Variants in TMPRSS9 observed in about 807,000 individuals in gnomAD.
TMPRSS9 encodes transmembrane serine protease 9, also known as transmembrane protease serine 9.
TMPRSS9 carries 113 observed loss-of-function variants against 111.4 expected under a neutral mutation model. That is an observed-to-expected ratio of 1.01 (90% CI 0.87 to 1.19). The LOEUF (loss-of-function observed/expected upper bound fraction) is 1.19, where lower values mean the gene tolerates loss of function less well. TMPRSS9 is among the 50% of genes most tolerant of loss of function. TMPRSS9 has a pLI of 0.00. For missense variants in TMPRSS9, 1,803 were observed against 1,513.1 expected (o/e 1.19, Z -3.18); for synonymous variants, 805 against 659.1 (o/e 1.22, Z -3.39).
intron 1 of TMPRSS9, among the ~76,000 whole-genome samples, chr19:2,365,624 A>AC (rs938503619): frequency 1.3e-4 from 20 of 151,966 alleles, no homozygotes; most frequent in African/African-American, 4.6e-4. Context: ...AAACAAACAA[A>AC]AAAAACAAAA....
intron 11 of TMPRSS9, 103 bp from the exon 13 acceptor site, chr19:2,416,435 C>A (rs1429786835): frequency 8.4e-6 from 12 of 1,436,484 alleles, no homozygotes; most frequent in African/African-American, 2.8e-5. Flanking sequence ...GGGGCCCAGG[C>A]AGCCCTGTGT....
At chr19:2,411,888 T>A (rs1452982420) in intron 9 of TMPRSS9, among the ~76,000 whole-genome samples, 1 of 152,188 alleles carries the variant, frequency 6.6e-6, no homozygotes, top group Non-Finnish European at 1.5e-5. Context: ...TGTCTCATTC[T>A]TTCTTCTTTC....
intron 1 of TMPRSS9, among the ~76,000 whole-genome samples, chr19:2,369,224 C>T (rs368997810): frequency 2.0e-5 from 3 of 152,052 alleles, no homozygotes; most frequent in African/African-American, 4.8e-5. Context: ...GGATTACAGG[C>T]GTGAGCCACT....
intron 9 of TMPRSS9, among the ~76,000 whole-genome samples, chr19:2,411,375 C>T (rs967485489): frequency 7.0e-6 from 1 of 143,480 alleles, no homozygotes; most frequent in African/African-American, 2.6e-5. Flanking sequence ...TGCTGTATAC[C>T]TGGAACCTTC....
rs148194010 is a variant in TMPRSS9 at position 2,382,732 on chromosome 19, C to A, written c.-25-7029C>A. Among the ~76,000 whole-genome samples the A allele has an allele frequency of 1.4e-4, 21 of 151,892 alleles. No individual in the cohort carries two copies. The East Asian group carries it at 2.9e-3, about 21-fold the overall frequency. ...AAGCACACATGCACACAGATACATA[C>A]GCACAAACGCACACATCCACACATA... On this transcript the variant is annotated intron_variant, in intron 1 of 17. Transcript: ENST00000649857.
rs372931282 is a variant in TMPRSS9 at position 2,409,526 on chromosome 19, A to T, written c.1118-732A>T. Among the ~76,000 whole-genome samples the T allele has an allele frequency of 1.2e-3, 189 of 151,962 alleles. 1 individual carries two copies. The highest frequency in any genetic ancestry group is 4.1e-3 in the African/African-American group (170 of 41,462). On this transcript the variant is annotated intron_variant, in intron 8 of 17. Coordinates refer to ENST00000648592, the Ensembl canonical transcript of TMPRSS9. ...CTACTATATTGGGTGGTGTAGTTCC[A>T]GGGGGTTGTCAATCAGCCACAAGAT...
rs766244570 is a variant in TMPRSS9, at chr19:2,425,499, CCCCGCCCCGGCCCAGGGGACCAGGT to C, written c.3120+14_3120+38del. The C allele has an allele frequency of 1.3e-6, 2 of 1,566,446 alleles. No individual in the cohort carries two copies. Among genetic ancestry groups the C allele is most frequent in the Admixed American group, 1.8e-5 (1 of 54,848 alleles). ...GTGGCGTGGACAGCTGCTCGGTGAGCCCCGCCCCGGCCCAGGGGACCAGGTCCCGCCCAGCCGCCGGGGAGGGCGG... is the reference window on the plus strand; with the variant it reads ...GTGGCGTGGACAGCTGCTCGGTGAGCCCCGCCCAGCCGCCGGGGAGGGCGG... On this transcript the variant is annotated splice_region_variant and intron_variant, in intron 17 of 17. Transcript: ENST00000648592.
chr19:2,424,253 G>A (rs1328228329), exon 15 of TMPRSS9: 2 of 1,381,928 alleles, frequency 1.4e-6, no homozygotes, highest in Non-Finnish European at 9.5e-7. Flanking sequence ...GCACTGCTTC[G>A]ACGTGTGAGT....
chr19:2,396,762 C>A, intron 2 of TMPRSS9, 96 bp downstream of exon 3: 1 of 1,471,862 alleles, frequency 6.8e-7, no homozygotes, highest in Non-Finnish European at 9.1e-7. Context: ...AGGCAGGCCA[C>A]AGGCAACGAA....
exon 6 of TMPRSS9, chr19:2,403,086 C>T: frequency 6.2e-7 from 1 of 1,608,716 alleles, no homozygotes; most frequent in African/African-American, 1.3e-5. Context: ...CCTCAGGCCG[C>T]TGTCCAGGGA....
chr19:2,396,293 C>T, intron 1 of TMPRSS9: 5 of 447,106 alleles, frequency 1.1e-5, no homozygotes, highest in Non-Finnish European at 1.2e-5. Flanking sequence ...TTGTGCTGTA[C>T]CTGGGGACCT....
chr19:2,394,825 G>GT lies in TMPRSS9; in HGVS notation c.143-1713dup, dbSNP rs1307894909. On this transcript the variant is annotated intron_variant, in intron 1 of 17. Coordinates refer to ENST00000648592, the Ensembl canonical transcript of TMPRSS9. Reference sequence around the variant, plus strand: ...GGTGTGCACTTCTGGTAGTTTTAACGTATTTTTGACCAAAACTCGTGCTCT... The same window carrying GT: ...GGTGTGCACTTCTGGTAGTTTTAACGTTATTTTTGACCAAAACTCGTGCTCT... 6.6e-5 allele frequency among the ~76,000 whole-genome samples: 10 copies of GT among 152,160 alleles called. No homozygotes were observed. In the East Asian group the frequency reaches 1.9e-3, roughly 29 times the overall value.
intron 1 of TMPRSS9, among the ~76,000 whole-genome samples, chr19:2,372,708 G>C (rs1345372178): frequency 2.6e-5 from 4 of 152,018 alleles, no homozygotes; most frequent in African/African-American, 9.7e-5. Flanking sequence ...TTTTTGGTCT[G>C]TCCAGCACTA....
chr19:2,421,784 G>A lies in TMPRSS9; in HGVS notation c.2155-70G>A, dbSNP rs138523784. 116 of 1,500,054 alleles carry A rather than the reference G, an allele frequency of 7.7e-5. No homozygotes were observed. The African/African-American group carries it at 1.4e-3, about 19-fold the overall frequency. The allele number at this position is 1,500,054 out of a possible 1,614,324, so 92.9% of individuals were successfully genotyped here. A position where few individuals can be genotyped will look rare whatever the true frequency, so the allele number is the denominator to read the frequency against. On this transcript the variant is annotated intron_variant, in intron 13 of 17. Transcript: ENST00000648592. The stretch of plus-strand genomic sequence containing the variant: ...GGCTCCCACCCACTGTAGGAACGCA[G>A]GAGGGTATGGCAGTGCTGGGAAGAG...
At chr19:2,370,420 C>CAA (rs1307653420) in intron 1 of TMPRSS9, among the ~76,000 whole-genome samples, 12 of 71,020 alleles carry the variant, frequency 1.7e-4, no homozygotes, top group East Asian at 7.7e-4. Context: ...GACTCTGTCT[C>CAA]AAAAAAAAAA....
At chr19:2,365,571 G>A (rs532049064) in intron 1 of TMPRSS9, among the ~76,000 whole-genome samples, 2 of 150,980 alleles carry the variant, frequency 1.3e-5, no homozygotes, top group East Asian at 1.9e-4. Flanking sequence ...GGACGTGTCC[G>A]AAAACTGTGA....
chr19:2,389,198 C>G (rs1210090097), upstream of TMPRSS9, among the ~76,000 whole-genome samples: 12 of 138,982 alleles, frequency 8.6e-5, no homozygotes, highest in Non-Finnish European at 1.9e-4. Context: ...CTCAGCCTCC[C>G]GAGTAGCTGG....
At chr19:2,413,610 C>T in intron 9 of TMPRSS9, 90 bp from the exon 11 acceptor site, 1 of 1,430,202 alleles carries the variant, frequency 7.0e-7, no homozygotes, top group Non-Finnish European at 9.5e-7. Context: ...CCTGGCTGTC[C>T]CAGCTCAGAG....
intron 1 of TMPRSS9, among the ~76,000 whole-genome samples, chr19:2,363,242 G>C (rs1320284915): frequency 6.6e-6 from 1 of 152,206 alleles, no homozygotes; most frequent in East Asian, 1.9e-4. Context: ...GGAATGTTTA[G>C]GGTGTAAAAT....
Sources: gnomAD v4.1 joint callset for allele counts (sites outside exome capture counted in the v4.1 genomes callset) on GRCh38, gnomAD v4.1.1 for gene constraint, MANE v1.5 for transcripts, NCBI Gene and HGNC (gene_info 2026-07-23, HGNC 2026-07-21) for gene names.